Variants in ZBTB7C observed in about 807,000 individuals in gnomAD.
The protein encoded by ZBTB7C is zinc finger and BTB domain-containing protein 7C.
A neutral mutation model predicts 25.7 loss-of-function variants in ZBTB7C; 8 were observed. The ratio of observed to expected loss-of-function variants is 0.31; its 90% CI spans 0.18 to 0.56. The LOEUF (loss-of-function observed/expected upper bound fraction) is 0.56, where lower values mean the gene tolerates loss of function less well. Ranked by LOEUF, ZBTB7C falls within the 20% of genes least tolerant of loss-of-function variation. The pLI is 0.91. For missense variants in ZBTB7C, 824 were observed against 855.2 expected (o/e 0.96, Z 0.46); for synonymous variants, 394 against 369.0 (o/e 1.07, Z -0.78).
At chr18:48,184,544 T>G (rs889480593) in intron 3 of ZBTB7C, among the ~76,000 whole-genome samples, 2 of 152,302 alleles carry the variant, frequency 1.3e-5, no homozygotes, top group Middle Eastern at 3.4e-3. Context: ...CCAATGTGAA[T>G]ACTGGCTGTT....
chr18:48,381,435 A>G (rs184870607), intron 1 of ZBTB7C, among the ~76,000 whole-genome samples: 2 of 152,338 alleles, frequency 1.3e-5, no homozygotes, highest in East Asian at 3.9e-4. Flanking sequence ...AAGTAGTAAT[A>G]AGTACATGGA....
At chr18:48,213,179 T>C (rs1400074942) in intron 2 of ZBTB7C, among the ~76,000 whole-genome samples, 1 of 152,236 alleles carries the variant, frequency 6.6e-6, no homozygotes, top group East Asian at 1.9e-4. Flanking sequence ...AGGAAGAAGA[T>C]GCGGGCCAGA....
intron 1 of ZBTB7C, among the ~76,000 whole-genome samples, chr18:48,386,782 T>C (rs1460965863): frequency 6.6e-6 from 1 of 152,178 alleles, no homozygotes; most frequent in Non-Finnish European, 1.5e-5. Context: ...TTGTGCTTCA[T>C]CTCAAAAAAA....
intron 3 of ZBTB7C, among the ~76,000 whole-genome samples, chr18:48,082,476 A>G (rs1431410257): frequency 1.3e-5 from 2 of 152,192 alleles, no homozygotes; most frequent in Non-Finnish European, 2.9e-5. Flanking sequence ...AACGGGCTCA[A>G]AGCAATGCTG....
chr18:48,287,378 A>G (rs898434549), intron 2 of ZBTB7C, among the ~76,000 whole-genome samples: 1 of 152,266 alleles, frequency 6.6e-6, no homozygotes, highest in Non-Finnish European at 1.5e-5. Flanking sequence ...TAAGACAAAT[A>G]GAAAATCTGA....
intron 2 of ZBTB7C, among the ~76,000 whole-genome samples, chr18:48,248,830 T>C (rs2043768520): frequency 6.6e-6 from 1 of 152,178 alleles, no homozygotes; most frequent in Admixed American, 6.5e-5. Flanking sequence ...ATTGACAATT[T>C]CCATACATAA....
chr18:48,113,764 T>A (rs1287586532), intron 3 of ZBTB7C, among the ~76,000 whole-genome samples: 1 of 152,214 alleles, frequency 6.6e-6, no homozygotes, highest in Admixed American at 6.5e-5. Context: ...TCCCAGCTAT[T>A]ATCAGTGACA....
chr18:48,213,427 A>G (rs2042748093), intron 2 of ZBTB7C, among the ~76,000 whole-genome samples: 1 of 152,144 alleles, frequency 6.6e-6, no homozygotes, highest in African/African-American at 2.4e-5. Flanking sequence ...CTGCACTTGC[A>G]TTGAGTGGGA....
intron 3 of ZBTB7C, among the ~76,000 whole-genome samples, chr18:48,179,892 G>A (rs1727709180): frequency 1.6e-5 from 2 of 126,246 alleles, no homozygotes; most frequent in Admixed American, 8.5e-5. Context: ...CTGCAAGGAA[G>A]ATATTTCTCC....
At chr18:48,349,029 G>A (rs1429957771) in intron 1 of ZBTB7C, among the ~76,000 whole-genome samples, 1 of 152,224 alleles carries the variant, frequency 6.6e-6, no homozygotes, top group African/African-American at 2.4e-5. Flanking sequence ...TGGAAGCTGG[G>A]GGAGGGGCAA....
At chr18:48,337,881 A>G (rs893610137) in intron 2 of ZBTB7C, among the ~76,000 whole-genome samples, 3 of 152,218 alleles carry the variant, frequency 2.0e-5, no homozygotes, top group Middle Eastern at 3.4e-3. Context: ...TTGATTTGTT[A>G]CTCTGAGCTC....
intron 3 of ZBTB7C, among the ~76,000 whole-genome samples, chr18:48,183,506 G>A (rs1019565452): frequency 2.6e-5 from 4 of 152,164 alleles, no homozygotes; most frequent in African/African-American, 9.7e-5. Context: ...TAAAAAAACA[G>A]ACTTCGGGAT....
chr18:48,269,881 C>A (rs1425254108), intron 2 of ZBTB7C, among the ~76,000 whole-genome samples: 1 of 152,064 alleles, frequency 6.6e-6, no homozygotes, highest in East Asian at 1.9e-4. Flanking sequence ...TTAGCTTGGT[C>A]CAGAACAGGA....
chr18:48,214,392 T>C (rs923549782), intron 2 of ZBTB7C, among the ~76,000 whole-genome samples: 2 of 152,218 alleles, frequency 1.3e-5, no homozygotes, highest in African/African-American at 4.8e-5. Context: ...TCATGCAGTG[T>C]TTGTCCTTTT....
intron 2 of ZBTB7C, among the ~76,000 whole-genome samples, chr18:48,295,450 A>C (rs2045360142): frequency 6.6e-6 from 1 of 152,210 alleles, no homozygotes; most frequent in East Asian, 1.9e-4. Flanking sequence ...GCGTCATGTG[A>C]GGAAGGCGGG....
At chr18:48,080,731 G>A (rs955377040) in intron 3 of ZBTB7C, among the ~76,000 whole-genome samples, 1 of 152,170 alleles carries the variant, frequency 6.6e-6, no homozygotes, top group African/African-American at 2.4e-5. Context: ...GTCCTGCTGG[G>A]GCTGCACACA....
At chr18:48,163,995 C>G (rs1474729256) in intron 3 of ZBTB7C, among the ~76,000 whole-genome samples, 2 of 152,116 alleles carry the variant, frequency 1.3e-5, no homozygotes, top group Admixed American at 1.3e-4. Context: ...GCAGGCTCCA[C>G]GAAGAGTCCA....
rs549260536 is a variant in ZBTB7C at position 48,233,809 on chromosome 18, G to C, written c.-78-47814C>G. On this transcript the variant is annotated intron_variant, in intron 2 of 4. Coordinates refer to ENST00000590800, the MANE Select transcript of ZBTB7C (RefSeq NM_001318841.2). The stretch of plus-strand genomic sequence containing the variant: ...GGTAAATTATATCAGCTGCTGCCAG[G>C]GGGTGGGAGGCTGCTTGTGGCAAAG... Among the ~76,000 whole-genome samples the C allele has an allele frequency of 5.3e-5, 8 of 152,284 alleles. No homozygotes were observed. In the South Asian group the frequency reaches 6.2e-4, roughly 12 times the overall value.
chr18:48,064,373 C>T (rs909574710), intron 3 of ZBTB7C, among the ~76,000 whole-genome samples: 4 of 152,206 alleles, frequency 2.6e-5, no homozygotes, highest in Admixed American at 1.3e-4. Flanking sequence ...GTCAATGACT[C>T]GTCTTCTTGG....
Sources: gnomAD v4.1 joint callset for allele counts (sites outside exome capture counted in the v4.1 genomes callset) on GRCh38, gnomAD v4.1.1 for gene constraint, MANE v1.5 for transcripts, NCBI Gene and HGNC (gene_info 2026-07-23, HGNC 2026-07-21) for gene names.